The following CHODL variants were observed in gnomAD, a reference collection of about 807,000 sequenced individuals.
The protein encoded by CHODL is chondrolectin.
A neutral mutation model predicts 34.5 loss-of-function variants in CHODL; 29 were observed. The observed-to-expected ratio is 0.84, with a 90% confidence interval of 0.63 to 1.15. CHODL has a LOEUF of 1.15. CHODL is among the 50% of genes most tolerant of loss of function. The pLI is 0.00. For missense variants in CHODL, 332 were observed against 332.5 expected, an observed-to-expected ratio of 1.00 and a Z score of 0.01; for synonymous variants, 125 against 116.1, an observed-to-expected ratio of 1.08 and a Z score of -0.49.
intron 1 of CHODL, among the ~76,000 whole-genome samples, chr21:18,024,394 A>G (rs1239250099): frequency 6.6e-6 from 1 of 152,228 alleles, no homozygotes; most frequent in African/African-American, 2.4e-5. Context: ...ACTTTGACCT[A>G]GAAATTCAGA....
intron 2 of CHODL, among the ~76,000 whole-genome samples, chr21:18,166,200 G>C (rs1223731221): frequency 6.6e-6 from 1 of 152,156 alleles, no homozygotes; most frequent in South Asian, 2.1e-4. Context: ...GGATCTCCTA[G>C]TTCCTAGGAT....
intron 2 of CHODL, among the ~76,000 whole-genome samples, chr21:18,046,071 C>T (rs772867380): frequency 6.6e-6 from 1 of 151,824 alleles, no homozygotes; most frequent in Non-Finnish European, 1.5e-5. Flanking sequence ...TTGTGGCATC[C>T]TCAGAACACT....
intron 1 of CHODL, among the ~76,000 whole-genome samples, chr21:17,976,857 G>A (rs2063667102): frequency 6.6e-6 from 1 of 152,126 alleles, no homozygotes. Flanking sequence ...TGAGTCATTG[G>A]TAAGCACAGT....
chr21:18,017,486 C>T (rs2064086442), intron 1 of CHODL, among the ~76,000 whole-genome samples: 1 of 152,208 alleles, frequency 6.6e-6, no homozygotes, highest in Non-Finnish European at 1.5e-5. Context: ...CCAGAGACAT[C>T]TCAGGCTGAC....
At chr21:17,948,226 C>T (rs1020872679) in intron 1 of CHODL, among the ~76,000 whole-genome samples, 1 of 151,524 alleles carries the variant, frequency 6.6e-6, no homozygotes, top group Non-Finnish European at 1.5e-5. Context: ...TAATGGTACT[C>T]GAAAAACCCA....
At chr21:17,974,584 A>G (rs1388768373) in intron 1 of CHODL, among the ~76,000 whole-genome samples, 1 of 152,140 alleles carries the variant, frequency 6.6e-6, no homozygotes, top group African/African-American at 2.4e-5. Context: ...TTTTTAGTTT[A>G]AATACAGTTT....
chr21:18,194,838 A>C (rs1210535520), intron 2 of CHODL, among the ~76,000 whole-genome samples: 1 of 151,980 alleles, frequency 6.6e-6, no homozygotes, highest in African/African-American at 2.4e-5. Context: ...TTAAAATGAC[A>C]AAAAATTGCA....
chr21:18,122,461 T>C (rs1420055752), intron 2 of CHODL, among the ~76,000 whole-genome samples: 1 of 152,190 alleles, frequency 6.6e-6, no homozygotes, highest in Non-Finnish European at 1.5e-5. Context: ...AGAAATTATC[T>C]GTGTGCTCAA....
chr21:18,038,742 G>A (rs12627396), intron 2 of CHODL, among the ~76,000 whole-genome samples: 3,620 of 151,716 alleles, frequency 0.024, 181 homozygotes, highest in East Asian at 0.15. Flanking sequence ...TAATGACCAT[G>A]AGATATGAGT....
chr21:17,937,838 T>G (rs1016943480), intron 1 of CHODL, among the ~76,000 whole-genome samples: 1 of 152,218 alleles, frequency 6.6e-6, no homozygotes, highest in Non-Finnish European at 1.5e-5. Context: ...TGTCAGTTAC[T>G]TAATCATTAT....
Position 17,934,413 on chromosome 21 carries a change from C to T in CHODL, c.-145+17013C>T, listed in dbSNP as rs188982256. Among the ~76,000 whole-genome samples the T allele has an allele frequency of 8.2e-5, 12 of 147,194 alleles. No individual in the cohort carries two copies. In the East Asian group the frequency reaches 2.3e-3, roughly 28 times the overall value. On this transcript the variant is annotated intron_variant, in intron 1 of 6. Coordinates refer to the CHODL transcript ENST00000400127. ...GGAGAGCTTTTTAATACTCAGTTCA[C>T]ATTTTGTCTGTCTTTCACTCTCTCT...
At chr21:17,920,531 T>C (rs1435778990) in intron 1 of CHODL, among the ~76,000 whole-genome samples, 1 of 152,180 alleles carries the variant, frequency 6.6e-6, no homozygotes, top group Non-Finnish European at 1.5e-5. Flanking sequence ...CCATGACATA[T>C]GAGAATTATG....
At chr21:17,986,304 A>G (rs1178301101) in intron 1 of CHODL, among the ~76,000 whole-genome samples, 1 of 151,950 alleles carries the variant, frequency 6.6e-6, no homozygotes, top group East Asian at 1.9e-4. Flanking sequence ...TCTTAATGCT[A>G]TCCCTCCCCT....
intron 1 of CHODL, among the ~76,000 whole-genome samples, chr21:17,925,659 C>T (rs1009806302): frequency 7.9e-5 from 12 of 152,234 alleles, no homozygotes; most frequent in East Asian, 7.7e-4. Context: ...ATTTTAAATT[C>T]GCCTGCGAGT....
At chr21:18,226,787 G>A (rs2073935135) in intron 2 of CHODL, among the ~76,000 whole-genome samples, 1 of 151,950 alleles carries the variant, frequency 6.6e-6, no homozygotes, top group South Asian at 2.1e-4. Context: ...TAAACCAGTT[G>A]ATTAAAGTAG....
intron 2 of CHODL, among the ~76,000 whole-genome samples, chr21:18,058,734 G>A (rs944963467): frequency 1.3e-5 from 2 of 152,198 alleles, no homozygotes; most frequent in Admixed American, 1.3e-4. Flanking sequence ...GGCCTTTCAT[G>A]AGCTCATGAG....
At chr21:18,052,066 C>A (rs375495485) in intron 2 of CHODL, among the ~76,000 whole-genome samples, 1 of 151,652 alleles carries the variant, frequency 6.6e-6, no homozygotes, top group South Asian at 2.1e-4. Context: ...GTTTGTTTTG[C>A]GGGAAGGATT....
chr21:18,028,639 C>T lies in CHODL; in HGVS notation c.-45+668C>T, dbSNP rs562698704. Among the ~76,000 whole-genome samples, 236 of 141,072 alleles carry T rather than the reference C, an allele frequency of 1.7e-3. 2 individuals are homozygous for T. The Middle Eastern group carries it at 0.029, about 17-fold the overall frequency. 92.5% of individuals were successfully genotyped at this position (141,072 alleles called of 152,430 possible). A position where few individuals can be genotyped will look rare whatever the true frequency, so the allele number is the denominator to read the frequency against. On this transcript the variant is annotated intron_variant, in intron 2 of 6. Transcript: ENST00000400127. ...TGTTGAACCTGGGAGGCGGAGGTTGCAATGAACCAAGATCCTGTCACTGCA... is the reference window on the plus strand; with the variant it reads ...TGTTGAACCTGGGAGGCGGAGGTTGTAATGAACCAAGATCCTGTCACTGCA...
intron 2 of CHODL, among the ~76,000 whole-genome samples, chr21:18,226,093 A>G (rs1181856230): frequency 6.6e-6 from 1 of 152,138 alleles, no homozygotes; most frequent in East Asian, 1.9e-4. Flanking sequence ...AGGAGCCAAA[A>G]GAGAATCTTG....
Sources: gnomAD v4.1 joint callset for allele counts (sites outside exome capture counted in the v4.1 genomes callset) on GRCh38, gnomAD v4.1.1 for gene constraint, MANE v1.5 for transcripts, NCBI Gene and HGNC (gene_info 2026-07-23, HGNC 2026-07-21) for gene names.